Variants in SPATA21 observed in about 807,000 individuals in gnomAD.
SPATA21 encodes spermatogenesis associated 21, also known as spermatogenesis-associated protein 21.
In SPATA21, 47 loss-of-function variants were observed where a neutral mutation model predicts 54.8. The observed-to-expected ratio is 0.86, with a 90% CI of 0.68 to 1.09. The LOEUF is 1.09. Among genes scored for constraint, SPATA21 ranks in the 50% least tolerant of loss-of-function variants. The pLI is 0.00. For synonymous variants in SPATA21, 245 were observed against 235.3 expected (o/e 1.04, Z -0.38); for missense variants, 599 against 596.4 (o/e 1.00, Z -0.05).
chr1:16,420,207 G>A (rs1049683116), intron 5 of SPATA21, among the ~76,000 whole-genome samples: 2 of 152,014 alleles, frequency 1.3e-5, no homozygotes, highest in Non-Finnish European at 2.9e-5. Context: ...TTGCGAGGTG[G>A]GCTCTGTAAG....
intron 2 of SPATA21, 97 bp from the exon 3 acceptor site, chr1:16,431,519 G>A (rs1027124054): frequency 2.2e-5 from 26 of 1,207,780 alleles, no homozygotes; most frequent in South Asian, 1.1e-4. Flanking sequence ...AGCCTGGCTC[G>A]AGGGAAGAGG....
In SPATA21 at chr1:16,399,325, C is replaced by T. The variant is rs369031463; in HGVS notation, c.1352+19G>A. ...AATCTGGAAGGGCCTGGGCTGGGAC[C>T]CTTTCTCTGGGCACCCACCTGTTTC... is the stretch of plus-strand genomic sequence containing the variant. On this transcript the variant is annotated intron_variant, in intron 12 of 12. Coordinates refer to ENST00000335496, the MANE Select transcript of SPATA21 (RefSeq NM_198546.1). The T allele has an allele frequency of 6.3e-7, 1 of 1,598,744 alleles. No individual in the cohort carries two copies. Among genetic ancestry groups the T allele is most frequent in the South Asian group, 1.1e-5 (1 of 88,660 alleles).
intron 3 of SPATA21, among the ~76,000 whole-genome samples, chr1:16,424,076 A>G (rs1036414349): frequency 6.6e-6 from 1 of 151,130 alleles, no homozygotes. Flanking sequence ...GGGTGTGTAC[A>G]TATGTCAAAA....
intron 3 of SPATA21, chr1:16,427,745 G>A: frequency 9.3e-7 from 1 of 1,077,550 alleles, no homozygotes; most frequent in African/African-American, 1.6e-5. Context: ...GAAGGACAAG[G>A]TGCTGTCGTG....
At chr1:16,404,264 G>A (rs2085556583) in intron 8 of SPATA21, among the ~76,000 whole-genome samples, 1 of 152,106 alleles carries the variant, frequency 6.6e-6, no homozygotes, top group Non-Finnish European at 1.5e-5. Context: ...GAGGTCAGGA[G>A]TTCGAGACCT....
In SPATA21 at chr1:16,430,114, C is replaced by CAA. The variant is rs1226598581; in HGVS notation, c.34+1222_34+1223dup. Among the ~76,000 whole-genome samples, 310 of 53,150 alleles carry CAA rather than the reference C, an allele frequency of 5.8e-3. 14 individuals carry two copies. Among genetic ancestry groups the CAA allele is most frequent in the African/African-American group, 0.019 (235 of 12,166 alleles). 34.9% of individuals were successfully genotyped at this position (53,150 alleles called of 152,430 possible). On this transcript the variant is annotated intron_variant, in intron 3 of 12. Transcript: ENST00000335496. ...CCTGGGTGACAGCAAGACTCTATCTCAAAAAAAAAAAAAAAAAAAAAAAAA... is the reference window on the plus strand; with the variant it reads ...CCTGGGTGACAGCAAGACTCTATCTCAAAAAAAAAAAAAAAAAAAAAAAAAAA...
rs1001874632 is a variant in SPATA21 at position 16,421,298 on chromosome 1, T to TAC, written c.144+209_144+210dup. Among the ~76,000 whole-genome samples the TAC allele has an allele frequency of 2.0e-5, 3 of 151,848 alleles. No individual in the cohort carries two copies. The highest frequency in any genetic ancestry group is 4.4e-5 in the Non-Finnish European group (3 of 67,970). ...GAGCATTCTTGATGCCCACCCAGAA[T>TAC]ACACACACATGCATACACACAGGCA... On this transcript the variant is annotated intron_variant, in intron 5 of 12. Transcript: ENST00000335496. This position sits in a 1 kb window ranked among gnomAD's most constrained non-coding sequence, Gnocchi z 5.2.
chr1:16,405,559 G>T (rs1037151245), intron 7 of SPATA21, among the ~76,000 whole-genome samples: 3 of 150,808 alleles, frequency 2.0e-5, no homozygotes, highest in Non-Finnish European at 4.4e-5. Flanking sequence ...TACTGGGGAG[G>T]CTCAGACAGT....
chr1:16,406,868 C>T (rs766810090), intron 7 of SPATA21, among the ~76,000 whole-genome samples: 5 of 152,174 alleles, frequency 3.3e-5, no homozygotes, highest in African/African-American at 4.8e-5. Flanking sequence ...GCAGGGAGGC[C>T]ACAGAAGAAA....
chr1:16,430,072 A>G (rs987331861), intron 3 of SPATA21, among the ~76,000 whole-genome samples: 4 of 144,292 alleles, frequency 2.8e-5, no homozygotes, highest in Non-Finnish European at 6.0e-5. Context: ...AGCCATGATC[A>G]CACCATTGCA....
At chr1:16,401,654 GC>G (rs1420603571) in intron 10 of SPATA21, among the ~76,000 whole-genome samples, 11 of 152,200 alleles carry the variant, frequency 7.2e-5, no homozygotes, top group East Asian at 1.9e-4. Context: ...ACTTATCTGT[GC>G]AATTAACTCC....
intron 7 of SPATA21, among the ~76,000 whole-genome samples, chr1:16,407,882 C>T (rs1472480966): frequency 4.6e-5 from 7 of 152,200 alleles, no homozygotes; most frequent in Admixed American, 1.3e-4. Context: ...CCTCCCACCT[C>T]AGCCTCCTGG....
At chr1:16,417,571 G>A (rs2086047541) in intron 5 of SPATA21, among the ~76,000 whole-genome samples, 1 of 151,974 alleles carries the variant, frequency 6.6e-6, no homozygotes, top group Non-Finnish European at 1.5e-5. Context: ...GGGATTACAG[G>A]CACCTGCCAC....
intron 10 of SPATA21, 26 bp from the exon 11 acceptor site, chr1:16,400,918 C>T (rs2085427996): frequency 6.2e-7 from 1 of 1,605,346 alleles, no homozygotes; most frequent in South Asian, 1.1e-5. Flanking sequence ...CCACCCATCT[C>T]AGCCTGGCTG....
rs200295756 is a variant in SPATA21 at position 16,421,492 on chromosome 1, C to G, written c.144+17G>C. On this transcript the variant is annotated intron_variant, in intron 5 of 12. Transcript: ENST00000335496. The surrounding 1 kb of genome is among the most constrained non-coding windows in gnomAD (Gnocchi z 5.2). ...TCCTACACAGCTCGTCCCCGTTCCC[C>G]CTATGGCCCTACTTACTGGTGGAGG... 6 of 1,612,240 alleles carry G rather than the reference C, an allele frequency of 3.7e-6. No homozygotes were observed. In the East Asian group the frequency reaches 6.7e-5, roughly 18 times the overall value.
intron 3 of SPATA21, among the ~76,000 whole-genome samples, chr1:16,430,168 C>T (rs906152242): frequency 6.7e-6 from 1 of 149,100 alleles, no homozygotes; most frequent in Non-Finnish European, 1.5e-5. Context: ...AGGCTTATGC[C>T]TGTAATCCCA....
At chr1:16,416,652 G>T (rs1461818822) in intron 5 of SPATA21, among the ~76,000 whole-genome samples, 1 of 147,942 alleles carries the variant, frequency 6.8e-6, no homozygotes, top group East Asian at 2.0e-4. Flanking sequence ...CAGCACTCCA[G>T]CCTGGGCGAC....
chr1:16,431,585 G>A lies in SPATA21; in HGVS notation c.-51-163C>T, dbSNP rs117921231. ...AGCAAAACCAGAGAGCTAGCCACATGCCATTTACCCATACGCTTTTCCTAG... is the reference window on the plus strand; with the variant it reads ...AGCAAAACCAGAGAGCTAGCCACATACCATTTACCCATACGCTTTTCCTAG... On this transcript the variant is annotated intron_variant, in intron 2 of 12. Coordinates refer to ENST00000335496, the MANE Select transcript of SPATA21 (RefSeq NM_198546.1). Among the ~76,000 whole-genome samples the A allele has an allele frequency of 2.4e-3, 369 of 152,262 alleles. 7 individuals carry two copies. In the East Asian group the frequency reaches 0.065, roughly 27 times the overall value.
intron 3 of SPATA21, among the ~76,000 whole-genome samples, chr1:16,423,165 A>C (rs2086218353): frequency 6.8e-6 from 1 of 147,648 alleles, no homozygotes; most frequent in Non-Finnish European, 1.5e-5. Flanking sequence ...TCTTGAAAAA[A>C]AATAATAAAG....
Sources: allele counts gnomAD v4.1 joint callset (sites outside exome capture counted in the v4.1 genomes callset), GRCh38; gene constraint gnomAD v4.1.1; non-coding constraint Gnocchi (gnomAD v3.1); transcripts MANE v1.5; gene names NCBI Gene and HGNC (gene_info 2026-07-23, HGNC 2026-07-21).